Variants in SPTLC1 observed in about 807,000 individuals in gnomAD.
SPTLC1 encodes the protein serine palmitoyltransferase long chain base subunit 1.
In SPTLC1, 55 loss-of-function variants were observed where a neutral mutation model predicts 68.9. The ratio of observed to expected loss-of-function variants is 0.80; its 90% CI spans 0.64 to 1.00. SPTLC1 has a LOEUF of 1.00. SPTLC1 is among the 50% of genes least tolerant of loss of function. The probability of loss-of-function intolerance (pLI) is 0.00; values close to 1 mark genes in which losing one functional copy is unlikely to be tolerated. For missense variants in SPTLC1, 449 were observed against 573.1 expected, an observed-to-expected ratio of 0.78 and a Z score of 2.21; for synonymous variants, 197 against 201.6, an observed-to-expected ratio of 0.98 and a Z score of 0.19.
intron 5 of SPTLC1, among the ~76,000 whole-genome samples, chr9:92,072,712 C>T (rs1019725145): frequency 3.3e-5 from 5 of 152,088 alleles, no homozygotes; most frequent in African/African-American, 9.7e-5. Context: ...CAATGGCTCT[C>T]AGCGGACAGA....
intron 3 of SPTLC1, among the ~76,000 whole-genome samples, chr9:92,102,714 C>T (rs1835800681): frequency 6.6e-6 from 1 of 152,052 alleles, no homozygotes; most frequent in Admixed American, 6.6e-5. Context: ...AGAAACTCAC[C>T]AAACCATAAA....
chr9:92,103,822 T>C (rs1835850946), intron 3 of SPTLC1, among the ~76,000 whole-genome samples: 1 of 152,124 alleles, frequency 6.6e-6, no homozygotes, highest in Non-Finnish European at 1.5e-5. Flanking sequence ...GACAGGGCCG[T>C]CCAAGACAGG....
intron 3 of SPTLC1, chr9:92,104,419 G>A (rs1335614622): frequency 5.0e-5 from 69 of 1,376,918 alleles, no homozygotes; most frequent in Non-Finnish European, 5.6e-5. Flanking sequence ...GTGGGATGGC[G>A]CCCCTGTGAG....
chr9:92,088,284 G>T (rs900599421), intron 3 of SPTLC1, among the ~76,000 whole-genome samples: 3 of 152,364 alleles, frequency 2.0e-5, no homozygotes, highest in African/African-American at 7.2e-5. Flanking sequence ...GCACTCCCTA[G>T]TGAGATGAAC....
chr9:92,100,601 C>A (rs1402187351), intron 3 of SPTLC1, among the ~76,000 whole-genome samples: 2 of 152,118 alleles, frequency 1.3e-5, no homozygotes, highest in African/African-American at 2.4e-5. Context: ...CTCAAACCTG[C>A]AGACCAGCCC....
chr9:92,061,177 T>C (rs1255283741), intron 6 of SPTLC1, among the ~76,000 whole-genome samples: 10 of 152,192 alleles, frequency 6.6e-5, no homozygotes, highest in East Asian at 1.9e-4. Flanking sequence ...TACGGACTAA[T>C]GCAAACAAAT....
chr9:92,069,589 G>A (rs894657862), intron 5 of SPTLC1, among the ~76,000 whole-genome samples: 2 of 152,144 alleles, frequency 1.3e-5, no homozygotes, highest in African/African-American at 4.8e-5. Flanking sequence ...AAAGGTTTCA[G>A]GCAAAATCTA....
At chr9:92,088,964 A>T (rs961108597) in intron 3 of SPTLC1, among the ~76,000 whole-genome samples, 1 of 152,232 alleles carries the variant, frequency 6.6e-6, no homozygotes, top group Non-Finnish European at 1.5e-5. Flanking sequence ...GAGAGAAAAC[A>T]ACTTTCCCAA....
chr9:92,050,762 C>T (rs1431442894), intron 8 of SPTLC1, among the ~76,000 whole-genome samples: 1 of 150,120 alleles, frequency 6.7e-6, no homozygotes, highest in Non-Finnish European at 1.5e-5. Context: ...ATCAATTGTC[C>T]TTTAGATGGT....
rs891792227 is a variant in SPTLC1, at chr9:92,079,407, A to G, written c.427+609T>C. 7.2e-6 allele frequency: 11 copies of G among 1,518,462 alleles called. No individual in the cohort carries two copies. In the African/African-American group the frequency reaches 1.5e-4, roughly 21 times the overall value. 94.1% of individuals were successfully genotyped at this position (1,518,462 alleles called of 1,614,324 possible). ...ATTATTTAATAACATTTTCAGGAGC[A>G]AAGAATATACACTTAATAAAAACAA... On this transcript the variant is annotated intron_variant, in intron 5 of 14. Transcript: ENST00000262554.
chr9:92,047,737 TC>T, intron 9 of SPTLC1, 29 bp from the exon 10 acceptor site: 1 of 1,534,762 alleles, frequency 6.5e-7, no homozygotes, highest in Non-Finnish European at 9.0e-7. Flanking sequence ...TGACAGTTAT[TC>T]CACAGTTTAA....
chr9:92,105,171 A>G, intron 3 of SPTLC1: 2 of 1,533,956 alleles, frequency 1.3e-6, no homozygotes, highest in African/African-American at 1.4e-5. Context: ...AGGTCCCGCA[A>G]AAGAAAACTG....
intron 12 of SPTLC1, 48 bp downstream of exon 12, chr9:92,045,951 G>A (rs755215099): frequency 9.8e-6 from 15 of 1,525,186 alleles, no homozygotes; most frequent in Non-Finnish European, 8.2e-6. Flanking sequence ...TAGTTGTTAA[G>A]TGTGGTGCAG....
intron 5 of SPTLC1, chr9:92,079,196 C>G (rs376863704): frequency 2.4e-5 from 9 of 375,420 alleles, no homozygotes; most frequent in African/African-American, 1.9e-4. Context: ...CCACCTCAGC[C>G]TCCCACGTAG....
At chr9:92,115,272 G>A (rs1417480977) in intron 1 of SPTLC1, 42 bp downstream of exon 1, 1 of 1,605,020 alleles carries the variant, frequency 6.2e-7, no homozygotes, top group African/African-American at 1.3e-5. Flanking sequence ...ACCCTCCCCG[G>A]GCCCGGGTGT....
intron 3 of SPTLC1, among the ~76,000 whole-genome samples, chr9:92,107,281 G>A (rs1372562260): frequency 2.6e-5 from 4 of 152,154 alleles, no homozygotes; most frequent in Non-Finnish European, 5.9e-5. Context: ...GCCAGAAATA[G>A]ACCCTTTAGA....
intron 3 of SPTLC1, among the ~76,000 whole-genome samples, chr9:92,091,317 A>G (rs1186199799): frequency 6.6e-6 from 1 of 152,184 alleles, no homozygotes; most frequent in Non-Finnish European, 1.5e-5. Context: ...CAAATACTGA[A>G]TGAGACTTGG....
At chr9:92,071,643 C>G (rs1316157489) in intron 5 of SPTLC1, among the ~76,000 whole-genome samples, 2 of 152,192 alleles carry the variant, frequency 1.3e-5, no homozygotes, top group Non-Finnish European at 2.9e-5. Context: ...AGTGGCAGAT[C>G]TAGGAATTTT....
chr9:92,098,043 A>G (rs1835597500), intron 3 of SPTLC1, among the ~76,000 whole-genome samples: 1 of 152,162 alleles, frequency 6.6e-6, no homozygotes, highest in African/African-American at 2.4e-5. Flanking sequence ...GACTCCGGTG[A>G]AGACTCCAAG....
Sources: allele counts gnomAD v4.1 joint callset (sites outside exome capture counted in the v4.1 genomes callset), GRCh38; gene constraint gnomAD v4.1.1; transcripts MANE v1.5; gene names NCBI Gene and HGNC (gene_info 2026-07-23, HGNC 2026-07-21).